The following TDRD7 variants were observed in gnomAD, a reference collection of about 807,000 sequenced individuals.
TDRD7 encodes tudor domain containing 7.
In TDRD7, 47 loss-of-function variants were observed where a neutral mutation model predicts 109.8. The ratio of observed to expected loss-of-function variants is 0.43; its 90% confidence interval spans 0.34 to 0.55. The LOEUF is 0.55. Ranked by LOEUF, TDRD7 falls within the 20% of genes least tolerant of loss-of-function variation. The pLI is 0.03. For synonymous variants in TDRD7, 424 were observed against 457.3 expected (o/e 0.93, Z 0.93); for missense variants, 1,164 against 1,319.2 (o/e 0.88, Z 1.82).
intron 8 of TDRD7, among the ~76,000 whole-genome samples, chr9:97,466,813 G>C (rs1828828901): frequency 6.6e-6 from 1 of 152,150 alleles, no homozygotes; most frequent in African/African-American, 2.4e-5. Flanking sequence ...TAATTGCAAA[G>C]GGCAAAAGGA....
intron 6 of TDRD7, among the ~76,000 whole-genome samples, chr9:97,447,284 C>T (rs1457822353): frequency 6.6e-6 from 1 of 152,128 alleles, no homozygotes; most frequent in Non-Finnish European, 1.5e-5. Context: ...TAGCTGTATA[C>T]CTTTCAGCAT....
chr9:97,461,946 T>G (rs945708360), intron 7 of TDRD7, among the ~76,000 whole-genome samples: 1 of 152,206 alleles, frequency 6.6e-6, no homozygotes, highest in Admixed American at 6.5e-5. Context: ...AAATGAAATC[T>G]GAGTAGATAA....
At chr9:97,463,486 T>C (rs1368544246) in intron 7 of TDRD7, among the ~76,000 whole-genome samples, 1 of 152,070 alleles carries the variant, frequency 6.6e-6, no homozygotes, top group African/African-American at 2.4e-5. Context: ...AGGAACCATT[T>C]CTTAGAGCTG....
chr9:97,454,749 G>A (rs4492485), intron 6 of TDRD7, among the ~76,000 whole-genome samples: 69,548 of 151,744 alleles, frequency 0.46, 15,960 homozygotes, highest in Admixed American at 0.52. Flanking sequence ...ATCTCAAATC[G>A]ACACCCTAAC....
chr9:97,430,825 C>G, intron 2 of TDRD7, 108 bp from the exon 3 acceptor site: 2 of 1,339,730 alleles, frequency 1.5e-6, no homozygotes, highest in Non-Finnish European at 2.1e-6. Context: ...TTGCATACCA[C>G]TTGACTTGGG....
chr9:97,435,122 C>T (rs1234299894), intron 4 of TDRD7, among the ~76,000 whole-genome samples: 1 of 151,910 alleles, frequency 6.6e-6, no homozygotes, highest in Admixed American at 6.6e-5. Context: ...TGAATCTGTA[C>T]GTGTGGTAAA....
chr9:97,435,257 T>G (rs186579906), intron 4 of TDRD7, among the ~76,000 whole-genome samples: 1 of 152,242 alleles, frequency 6.6e-6, no homozygotes, highest in Non-Finnish European at 1.5e-5. Context: ...GGGGAAACAG[T>G]GAAGGACACA....
chr9:97,438,338 T>A (rs910587855), intron 4 of TDRD7, among the ~76,000 whole-genome samples: 1 of 152,218 alleles, frequency 6.6e-6, no homozygotes, highest in Non-Finnish European at 1.5e-5. Flanking sequence ...ATTGATCTAA[T>A]TTTTAGACTG....
rs573592535 is a variant in TDRD7, at chr9:97,451,465, AT to A, written c.856-8706del. Among the ~76,000 whole-genome samples the A allele has an allele frequency of 2.7e-3, 411 of 151,980 alleles. 2 individuals carry two copies. Among genetic ancestry groups the A allele is most frequent in the Non-Finnish European group, 2.7e-3 (185 of 67,942 alleles). ...CTATCACATCCAGCTAATTTTTAAA[AT>A]TTTTTTGTTGAGATTCTCACTATGT... On this transcript the variant is annotated intron_variant, in intron 6 of 16. Transcript: ENST00000355295.
intron 14 of TDRD7, among the ~76,000 whole-genome samples, chr9:97,482,094 C>T (rs1479157671): frequency 3.3e-5 from 5 of 152,180 alleles, no homozygotes; most frequent in East Asian, 1.9e-4. Context: ...CCTTGGGACA[C>T]ACAGCAGTAC....
chr9:97,428,667 G>T lies in TDRD7; in HGVS notation c.202G>T (p.Gly68Ter). The change falls in exon 2 of 17, where the codon GGA becomes TGA. Residue 68 changes from glycine (G) to a stop codon, truncating the protein, a stop_gained. Coordinates refer to ENST00000355295, the MANE Select transcript of TDRD7 (RefSeq NM_014290.3). LOFTEE classifies it high-confidence loss of function. ...AVVRIETSRS[G>*]EITCYAMACT... ...GGTCAGGATAGAGACTAGTAGATCT[G>T]GAGAGGTAAGAAGGTAATTGTGCGT... 6.2e-7 allele frequency: 1 copy of T among 1,613,418 alleles called. No homozygotes were observed.
intron 5 of TDRD7, among the ~76,000 whole-genome samples, chr9:97,439,776 T>C (rs1035520226): frequency 6.6e-6 from 1 of 152,208 alleles, no homozygotes; most frequent in African/African-American, 2.4e-5. Context: ...CCACTAATCA[T>C]CTAAATATGA....
At chr9:97,466,736 G>A (rs1370536059) in intron 8 of TDRD7, among the ~76,000 whole-genome samples, 1 of 152,196 alleles carries the variant, frequency 6.6e-6, no homozygotes, top group Non-Finnish European at 1.5e-5. Flanking sequence ...TCTAAGAGCA[G>A]GTAAAATTCA....
At chr9:97,484,445 C>A (rs898366882) in intron 15 of TDRD7, among the ~76,000 whole-genome samples, 1 of 151,458 alleles carries the variant, frequency 6.6e-6, no homozygotes, top group Non-Finnish European at 1.5e-5. Context: ...CAATGCTGAA[C>A]ACAAAGAACA....
rs1202993865 is a variant in TDRD7, at chr9:97,475,409, A to G, written c.2106A>G (p.Ser702=). ...ACATGACCTCTGAGTGCTTTGTTTC[A>G]TTACCCTTCTGTGGGAAAATCTGCC... The part of the protein sequence containing the change: ...CKHMTSECFV[S]LPFCGKICLF... The change falls in exon 12 of 17, where the codon TCA becomes TCG. Residue 702 remains serine (S), a synonymous_variant. Coordinates refer to ENST00000355295, the MANE Select transcript of TDRD7 (RefSeq NM_014290.3). 6.2e-7 allele frequency: 1 copy of G among 1,613,702 alleles called. No individual in the cohort carries two copies. The highest frequency in any genetic ancestry group is 8.5e-7 in the Non-Finnish European group (1 of 1,179,746).
At chr9:97,421,874 A>G (rs1827906897) in intron 1 of TDRD7, among the ~76,000 whole-genome samples, 1 of 152,000 alleles carries the variant, frequency 6.6e-6, no homozygotes. Context: ...TTTTTCTTCT[A>G]TGGTTCTCAA....
intron 1 of TDRD7, among the ~76,000 whole-genome samples, chr9:97,416,217 A>T (rs1407996037): frequency 6.6e-6 from 1 of 152,250 alleles, no homozygotes; most frequent in Non-Finnish European, 1.5e-5. Context: ...GAAAGATAGC[A>T]TACTTTAAAA....
chr9:97,485,045 A>AT (rs1244131749), intron 15 of TDRD7, among the ~76,000 whole-genome samples: 4 of 152,304 alleles, frequency 2.6e-5, no homozygotes, highest in South Asian at 2.1e-4. Flanking sequence ...AGATAATCTG[A>AT]TTTTTTTAAA....
At chr9:97,460,097 A>G in intron 6 of TDRD7, 81 bp from the exon 7 acceptor site, 2 of 1,234,540 alleles carry the variant, frequency 1.6e-6, no homozygotes, top group Admixed American at 1.8e-5. Context: ...CATGACTCTC[A>G]AATTTAGAAT....
Sources: allele counts gnomAD v4.1 joint callset (sites outside exome capture counted in the v4.1 genomes callset), GRCh38; gene constraint gnomAD v4.1.1; transcripts MANE v1.5; gene names NCBI Gene and HGNC (gene_info 2026-07-23, HGNC 2026-07-21).